Variants in ITPK1 observed in about 807,000 individuals in gnomAD.
ITPK1 encodes inositol-tetrakisphosphate 1-kinase, also known as inositol 1,3,4-trisphosphate 5/6-kinase.
Under a neutral mutation model 45.3 loss-of-function variants are expected in ITPK1, and 21 were observed. The observed-to-expected ratio is 0.46, with a 90% CI of 0.33 to 0.67. The LOEUF is 0.67. Ranked by LOEUF, ITPK1 falls within the 30% of genes least tolerant of loss-of-function variation. The probability of loss-of-function intolerance (pLI) is 0.02; values close to 1 mark genes in which losing one functional copy is unlikely to be tolerated. For synonymous variants in ITPK1, 258 were observed against 253.6 expected, an observed-to-expected ratio of 1.02 and a Z score of -0.16; for missense variants, 474 against 573.5, an observed-to-expected ratio of 0.83 and a Z score of 1.77.
intron 4 of ITPK1, among the ~76,000 whole-genome samples, chr14:93,002,313 C>G (rs1373641747): frequency 1.3e-5 from 2 of 151,988 alleles, no homozygotes; most frequent in Non-Finnish European, 1.5e-5. Context: ...TGCACTCAGC[C>G]GGGGCATTAC....
chr14:93,078,377 C>A (rs1391066417), intron 2 of ITPK1, among the ~76,000 whole-genome samples: 1 of 152,184 alleles, frequency 6.6e-6, no homozygotes, highest in East Asian at 1.9e-4. Context: ...CACAAAGGAG[C>A]CACTCCATGA....
chr14:93,106,338 TAGA>T (rs1356597401), intron 2 of ITPK1, among the ~76,000 whole-genome samples: 1 of 152,188 alleles, frequency 6.6e-6, no homozygotes, highest in African/African-American at 2.4e-5. Context: ...AACAAGGCTC[TAGA>T]AGGACACCCC....
chr14:93,011,008 G>A (rs929072173), intron 4 of ITPK1, among the ~76,000 whole-genome samples: 1 of 152,212 alleles, frequency 6.6e-6, no homozygotes, highest in Non-Finnish European at 1.5e-5. Flanking sequence ...CCAGGCACTA[G>A]GGGAATCGCA....
intron 9 of ITPK1, among the ~76,000 whole-genome samples, chr14:92,948,989 T>A (rs1887827795): frequency 7.0e-6 from 1 of 143,642 alleles, no homozygotes; most frequent in African/African-American, 2.7e-5. Flanking sequence ...AGGGCCCCCC[T>A]GCTCACAGCC....
At chr14:93,106,769 G>A (rs1453841087) in intron 2 of ITPK1, among the ~76,000 whole-genome samples, 2 of 152,252 alleles carry the variant, frequency 1.3e-5, no homozygotes, top group East Asian at 3.9e-4. Flanking sequence ...CCTGGCCAGG[G>A]CAGATGCTCA....
intron 3 of ITPK1, among the ~76,000 whole-genome samples, chr14:93,031,172 C>T (rs1426063490): frequency 2.0e-5 from 3 of 152,060 alleles, no homozygotes; most frequent in African/African-American, 2.4e-5. Context: ...AAGGCCTGGG[C>T]AAGAAGAAGG....
rs750583839 is a variant in ITPK1 at position 93,014,003 on chromosome 14, G to A, written c.246+2673C>T. On this transcript the variant is annotated intron_variant, in intron 4 of 10. Coordinates refer to ENST00000267615, the MANE Select transcript of ITPK1 (RefSeq NM_014216.6). The surrounding 1 kb of genome is among the most constrained non-coding windows in gnomAD (Gnocchi z 4.4). The stretch of plus-strand genomic sequence containing the variant: ...AACCCTGCCTGCCTCCTCTCTCCTG[G>A]GGCCTCTGGAAAGTGCAGCCCCGCA... Among the ~76,000 whole-genome samples the A allele has an allele frequency of 2.0e-5, 3 of 152,116 alleles. No individual in the cohort carries two copies. The highest frequency in any genetic ancestry group is 4.4e-5 in the Non-Finnish European group (3 of 68,028).
intron 3 of ITPK1, among the ~76,000 whole-genome samples, chr14:93,058,192 A>G (rs1465632748): frequency 1.3e-5 from 2 of 151,888 alleles, no homozygotes; most frequent in Admixed American, 1.3e-4. Flanking sequence ...AGGATCAATC[A>G]TAAATTGATG....
intron 4 of ITPK1, among the ~76,000 whole-genome samples, chr14:93,011,634 G>T (rs3825681): frequency 6.6e-6 from 1 of 152,036 alleles, no homozygotes; most frequent in Non-Finnish European, 1.5e-5. Context: ...GCTGCTCAGA[G>T]GCCAGCCTTC....
intron 2 of ITPK1, among the ~76,000 whole-genome samples, chr14:93,096,648 C>A (rs1182156784): frequency 6.6e-6 from 1 of 152,198 alleles, no homozygotes; most frequent in Non-Finnish European, 1.5e-5. Flanking sequence ...AAGGAGAGAG[C>A]GCAGGAGCTA....
At chr14:93,039,682 A>G (rs1889479259) in intron 3 of ITPK1, among the ~76,000 whole-genome samples, 2 of 152,166 alleles carry the variant, frequency 1.3e-5, no homozygotes, top group Admixed American at 6.5e-5. Context: ...TACACCTCAC[A>G]GGGTCGCTGT....
intron 2 of ITPK1, among the ~76,000 whole-genome samples, chr14:93,104,995 C>T (rs1042483659): frequency 2.6e-5 from 4 of 152,246 alleles, no homozygotes; most frequent in Non-Finnish European, 4.4e-5. Context: ...TTGTGCAAAA[C>T]TAGCTCCTTT....
chr14:92,970,235 C>G (rs944952429), intron 5 of ITPK1, among the ~76,000 whole-genome samples: 6 of 152,320 alleles, frequency 3.9e-5, no homozygotes, highest in African/African-American at 1.4e-4. Context: ...GACGCTGGAC[C>G]TGGGGCAAAC....
intron 2 of ITPK1, among the ~76,000 whole-genome samples, chr14:93,114,429 G>A (rs919422508): frequency 1.3e-5 from 2 of 152,220 alleles, no homozygotes; most frequent in Admixed American, 6.5e-5. Flanking sequence ...CCCCAAGCTA[G>A]GTACCCCGCT....
chr14:93,063,281 A>G lies in ITPK1; in HGVS notation c.120+13314T>C, dbSNP rs987116444. Among the ~76,000 whole-genome samples, 1 of 151,936 alleles carries G rather than the reference A, an allele frequency of 6.6e-6. No individual in the cohort carries two copies. The highest frequency in any genetic ancestry group is 1.5e-5 in the Non-Finnish European group (1 of 67,986). On this transcript the variant is annotated intron_variant, in intron 3 of 10. Coordinates refer to ENST00000267615, the MANE Select transcript of ITPK1 (RefSeq NM_014216.6). The surrounding 1 kb of genome is among the most constrained non-coding windows in gnomAD (Gnocchi z 4.3). Reference sequence around the variant, plus strand: ...GGTCTGCCTCCAAGCCAGGACCCACACCCTCCTGCCCAGGGACCCCTGGTC... The same window carrying G: ...GGTCTGCCTCCAAGCCAGGACCCACGCCCTCCTGCCCAGGGACCCCTGGTC...
intron 3 of ITPK1, among the ~76,000 whole-genome samples, chr14:93,022,656 C>T (rs938324553): frequency 1.4e-4 from 21 of 151,930 alleles, no homozygotes; most frequent in Admixed American, 1.1e-3. Flanking sequence ...GGATTACAAG[C>T]GTGCACCACC....
At chr14:93,065,871 A>G (rs1042450610) in intron 3 of ITPK1, among the ~76,000 whole-genome samples, 2 of 152,218 alleles carry the variant, frequency 1.3e-5, no homozygotes, top group Non-Finnish European at 2.9e-5. Flanking sequence ...TCTAACAGCA[A>G]TTTCCAAGGT....
intron 5 of ITPK1, among the ~76,000 whole-genome samples, chr14:92,963,310 T>C (rs138316248): frequency 7.9e-4 from 120 of 152,336 alleles, no homozygotes; most frequent in African/African-American, 2.8e-3. Context: ...AGTGACAATA[T>C]AGCTCTTAGC....
At chr14:93,018,701 G>A (rs1888315672) in intron 3 of ITPK1, among the ~76,000 whole-genome samples, 1 of 152,180 alleles carries the variant, frequency 6.6e-6, no homozygotes, top group Non-Finnish European at 1.5e-5. Flanking sequence ...GGAAGGGAAA[G>A]ACACTTCCCA....
Sources: gnomAD v4.1 joint callset for allele counts (sites outside exome capture counted in the v4.1 genomes callset) on GRCh38, gnomAD v4.1.1 for gene constraint, Gnocchi (gnomAD v3.1) non-coding constraint, MANE v1.5 for transcripts, NCBI Gene and HGNC (gene_info 2026-07-23, HGNC 2026-07-21) for gene names.